The following CANX variants were observed in gnomAD, a reference collection of about 807,000 sequenced individuals.
CANX encodes epididymis secretory sperm binding protein.
CANX carries 14 observed loss-of-function variants against 75.7 expected under a neutral mutation model. The ratio of observed to expected loss-of-function variants is 0.19; its 90% CI spans 0.12 to 0.29. The LOEUF (loss-of-function observed/expected upper bound fraction) is 0.29. Ranked by LOEUF, CANX falls within the 10% of genes least tolerant of loss-of-function variation. The pLI, the probability that CANX is intolerant of heterozygous loss-of-function variation, is 1.00. For missense variants in CANX, 567 were observed against 713.2 expected, an observed-to-expected ratio of 0.79 and a Z score of 2.34; for synonymous variants, 227 against 236.9, an observed-to-expected ratio of 0.96 and a Z score of 0.38.
rs757304942 is a variant in CANX at position 179,705,745 on chromosome 5, G to T, written c.64G>T (p.Asp22Tyr). 5 of 1,610,062 alleles carry T rather than the reference G, an allele frequency of 3.1e-6. No homozygotes were observed. In the South Asian group the frequency reaches 4.4e-5, roughly 14 times the overall value. Residue 22 changes from aspartate to tyrosine, a missense_variant, in exon 2 of 15, where the codon GAT (aspartate) becomes TAT (tyrosine). Asp to Tyr is a radical substitution (Grantham distance 160). This residue lies in a region of CANX where 351 missense variants were observed against 433.8 expected (regional missense o/e 0.81). Transcript: ENST00000247461. ...TGGAACTGCTATTGTTGAGGCTCAT[G>T]ATGGACATGATGATGATGTGATTGA... is the stretch of plus-strand genomic sequence containing the variant. Reference protein sequence around the residue: ...VLGTAIVEAHDGHDDDVIDIE... With the variant: ...VLGTAIVEAHYGHDDDVIDIE...
intron 12 of CANX, 94 bp from the exon 13 acceptor site, chr5:179,724,563 A>G: frequency 9.9e-7 from 1 of 1,011,272 alleles, no homozygotes; most frequent in Non-Finnish European, 1.5e-6. Flanking sequence ...CCCTGTATAC[A>G]GCCTGGAACA....
chr5:179,712,072 T>G (rs1279415114), intron 7 of CANX, among the ~76,000 whole-genome samples: 1 of 145,918 alleles, frequency 6.9e-6, no homozygotes, highest in Non-Finnish European at 1.5e-5. Context: ...CACTCCAGCC[T>G]GGGCAACACA....
At position 179,718,911 on chromosome 5, in the gene CANX, C is replaced by T. The variant is rs578171030; in HGVS notation, c.912-757C>T. Among the ~76,000 whole-genome samples the T allele has an allele frequency of 3.3e-5, 5 of 151,134 alleles. No homozygotes were observed. The South Asian group carries it at 8.4e-4, about 25-fold the overall frequency. ...AACTCCTGTCCTCAGGTGATCCACC[C>T]GCCTTGGCCTCCCAAAGTGCTGGGA... On this transcript the variant is annotated intron_variant, in intron 8 of 14. Coordinates refer to ENST00000247461, the MANE Select transcript of CANX (RefSeq NM_001746.4).
chr5:179,684,926 ATTTTTTT>A (rs71001039), intron 1 of CANX, among the ~76,000 whole-genome samples: 7 of 49,150 alleles, frequency 1.4e-4, no homozygotes, highest in South Asian at 1.1e-3. Context: ...CTAATTTTGT[ATTTTTTT>A]TTTTTTTTTT....
rs754912290 is a variant in CANX, at chr5:179,724,677, G to C, written c.1539G>C (p.Glu513Asp). The C allele has an allele frequency of 6.2e-7, 1 of 1,613,736 alleles. No homozygotes were observed. Among genetic ancestry groups the C allele is most frequent in the Non-Finnish European group, 8.5e-7 (1 of 1,179,682 alleles). The change falls in exon 13 of 15, where the codon GAG (glutamate) becomes GAC (aspartate). Residue 513 changes from glutamate (E) to aspartate (D), a missense_variant. Around this residue, in one of 3 missense-constraint regions of CANX, gnomAD observed 167 missense variants for 179.3 expected, o/e 0.93. Coordinates refer to ENST00000247461, the MANE Select transcript of CANX (RefSeq NM_001746.4). ...CSGKKQTSGM[E>D]YKKTDAPQPD... ...TTCAGAAACAGACCAGTGGTATGGA[G>C]TATAAGAAAACTGATGCACCTCAAC...
intron 1 of CANX, among the ~76,000 whole-genome samples, chr5:179,692,327 G>A (rs777193975): frequency 2.0e-5 from 3 of 151,254 alleles, no homozygotes; most frequent in Non-Finnish European, 4.4e-5. Context: ...TGCCCATCTC[G>A]GTCTCCCAAA....
At chr5:179,678,936 G>A in intron 1 of CANX, 1 of 1,535,226 alleles carries the variant, frequency 6.5e-7, no homozygotes. Context: ...TTGCTGAGGC[G>A]CATGCACGGC....
upstream of CANX, among the ~76,000 whole-genome samples, chr5:179,695,176 A>G (rs1021164905): frequency 5.9e-5 from 9 of 151,642 alleles, no homozygotes; most frequent in Non-Finnish European, 1.5e-5. Context: ...CAGCCTCCCC[A>G]GCAGCTGGGA....
chr5:179,689,445 T>G (rs1267062708), intron 1 of CANX, among the ~76,000 whole-genome samples: 1 of 135,860 alleles, frequency 7.4e-6, no homozygotes, highest in African/African-American at 2.7e-5. Context: ...GGGAGTGTAA[T>G]GGCGCAATCT....
chr5:179,719,047 T>C (rs1413353987), intron 8 of CANX, among the ~76,000 whole-genome samples: 3 of 151,914 alleles, frequency 2.0e-5, no homozygotes, highest in Non-Finnish European at 4.4e-5. Context: ...CCTCCTGCCT[T>C]GGCCTCCCAA....
chr5:179,685,933 TGTCTGCCTC>T (rs1776182764), intron 1 of CANX, among the ~76,000 whole-genome samples: 1 of 152,052 alleles, frequency 6.6e-6, no homozygotes, highest in South Asian at 2.1e-4. Flanking sequence ...TCAGGTTATC[TGTCTGCCTC>T]GACCTCCCAG....
intron 5 of CANX, 60 bp downstream of exon 5, chr5:179,708,440 T>TATATATATATAACATAGA: frequency 6.7e-7 from 1 of 1,491,754 alleles, no homozygotes; most frequent in Non-Finnish European, 9.2e-7. Flanking sequence ...GAAGACATTA[T>TATATATATATAACATAGA]GTAACTTTTA....
At chr5:179,684,635 C>T (rs924681052) in intron 1 of CANX, among the ~76,000 whole-genome samples, 5 of 151,954 alleles carry the variant, frequency 3.3e-5, no homozygotes, top group African/African-American at 4.8e-5. Context: ...CCACCGTGCC[C>T]GGCCAAGCCT....
intron 1 of CANX, among the ~76,000 whole-genome samples, chr5:179,691,871 G>A (rs1167133560): frequency 6.6e-5 from 10 of 151,862 alleles, no homozygotes; most frequent in African/African-American, 1.2e-4. Context: ...TCTGCCTCCC[G>A]GGTTCACGCC....
At chr5:179,704,300 G>C (rs1273373382) in intron 1 of CANX, 2 of 152,128 alleles carry the variant, frequency 1.3e-5, no homozygotes, top group African/African-American at 4.8e-5. Flanking sequence ...GGCCGAGGCG[G>C]GCAGATCACG....
rs547015736 is a variant in CANX at position 179,718,372 on chromosome 5, G to A, written c.912-1296G>A. Among the ~76,000 whole-genome samples, 11 of 152,140 alleles carry A rather than the reference G, an allele frequency of 7.2e-5. No homozygotes were observed. The South Asian group carries it at 8.3e-4, about 11-fold the overall frequency. ...CCTCCAAGTAGCTGGGACTACAAGC[G>A]CGCACTACTACAAAAAATTCTTGTA... On this transcript the variant is annotated intron_variant, in intron 8 of 14. Coordinates refer to ENST00000247461, the MANE Select transcript of CANX (RefSeq NM_001746.4).
intron 1 of CANX, among the ~76,000 whole-genome samples, chr5:179,686,254 C>T (rs1776189776): frequency 6.7e-6 from 1 of 150,192 alleles, no homozygotes. Flanking sequence ...CGCGCCACCA[C>T]ACCCAGCCAA....
chr5:179,718,574 G>C (rs1254555957), intron 8 of CANX, among the ~76,000 whole-genome samples: 1 of 151,558 alleles, frequency 6.6e-6, no homozygotes. Context: ...TGTCGCCCAG[G>C]CTGGAGTGTA....
chr5:179,703,697 G>A (rs1418620518), intron 1 of CANX, among the ~76,000 whole-genome samples: 1 of 151,764 alleles, frequency 6.6e-6, no homozygotes, highest in Non-Finnish European at 1.5e-5. Context: ...GGCCAGGCTG[G>A]GAAATAAGGT....
Sources: allele counts gnomAD v4.1 joint callset (sites outside exome capture counted in the v4.1 genomes callset), GRCh38; gene constraint gnomAD v4.1.1; regional missense constraint gnomAD v4.1.1; transcripts MANE v1.5; gene names NCBI Gene and HGNC (gene_info 2026-07-23, HGNC 2026-07-21).